Variants in ARHGAP6 observed in about 807,000 individuals in gnomAD.
The protein encoded by ARHGAP6 is Rho GTPase activating protein 6, also known as rho GTPase-activating protein 6.
Under a neutral mutation model 55.7 loss-of-function variants are expected in ARHGAP6, and 16 were observed. The observed-to-expected ratio is 0.29, with a 90% CI of 0.19 to 0.44. The LOEUF is 0.44. Ranked by LOEUF, ARHGAP6 falls within the 20% of genes least tolerant of loss-of-function variation. The pLI, the probability that ARHGAP6 is intolerant of heterozygous loss-of-function variation, is 1.00. For missense variants in ARHGAP6, 698 were observed against 808.9 expected (o/e 0.86, Z 1.66); for synonymous variants, 382 against 360.9 (o/e 1.06, Z -0.66).
intron 1 of ARHGAP6, among the ~76,000 whole-genome samples, chrX:11,624,102 G>T (rs770210862): frequency 4.5e-5 from 5 of 111,851 alleles, no homozygotes; most frequent in Non-Finnish European, 7.5e-5. Flanking sequence ...TTACACAAAG[G>T]TACAAAAACA....
chrX:11,314,658 A>ATATAGCATGG (rs1174560009), intron 1 of ARHGAP6, among the ~76,000 whole-genome samples: 1 of 111,677 alleles, frequency 9.0e-6, no homozygotes, highest in African/African-American at 3.3e-5. Flanking sequence ...ATTCCATGGT[A>ATATAGCATGG]TATATCCTTA....
chrX:11,293,016 G>A (rs2048021605), intron 1 of ARHGAP6, among the ~76,000 whole-genome samples: 3 of 112,295 alleles, frequency 2.7e-5, no homozygotes, highest in African/African-American at 9.7e-5. Flanking sequence ...GAAAGGGCTG[G>A]AAAAATCCTG....
intron 1 of ARHGAP6, among the ~76,000 whole-genome samples, chrX:11,307,379 T>C (rs887413651): frequency 3.6e-5 from 4 of 111,810 alleles, no homozygotes; most frequent in African/African-American, 1.3e-4. Context: ...TTAAAATAGA[T>C]GACAAAGTTC....
intron 10 of ARHGAP6, chrX:11,148,895 C>A (rs1602732102): frequency 8.8e-6 from 2 of 227,038 alleles, no homozygotes; most frequent in East Asian, 2.5e-4. Context: ...TTGTATCATC[C>A]ATCTTGGATT....
At chrX:11,368,901 T>A (rs2049113377) in intron 1 of ARHGAP6, among the ~76,000 whole-genome samples, 1 of 112,195 alleles carries the variant, frequency 8.9e-6, no homozygotes, top group East Asian at 2.8e-4. Flanking sequence ...TGTTTTACAG[T>A]CTAAAAAATC....
In ARHGAP6 at chrX:11,354,327, C is replaced by CTCTATATA. The variant is rs1343744315; in HGVS notation, c.589-99621_589-99620insTATATAGA. Among the ~76,000 whole-genome samples, 177 of 32,342 alleles carry CTCTATATA rather than the reference C, an allele frequency of 5.5e-3. 1 individual carries two copies. Among genetic ancestry groups the CTCTATATA allele is most frequent in the Non-Finnish European group, 7.2e-3 (139 of 19,250 alleles). 28.1% of individuals were successfully genotyped at this position (32,342 alleles called of 115,157 possible). ...TCTCTCTCTCTCTCTCTCTCTCTCT[C>CTCTATATA]TATATATATATATATATATATATAT... On this transcript the variant is annotated intron_variant, in intron 1 of 12. Transcript: ENST00000337414.
At chrX:11,201,690 C>T (rs2046623793) in intron 2 of ARHGAP6, among the ~76,000 whole-genome samples, 1 of 112,093 alleles carries the variant, frequency 8.9e-6, no homozygotes, top group Non-Finnish European at 1.9e-5. Context: ...ACACTACCTT[C>T]TTCACATGGC....
In ARHGAP6 at chrX:11,162,338, C is replaced by T. The variant is rs186824163; in HGVS notation, c.1810-5712G>A. On this transcript the variant is annotated intron_variant, in intron 9 of 12. Transcript: ENST00000337414. ...TACCCAGCTACTGAAACTGTGCCCCCCCCCCCATATTTACTGTGTCACATA... is the reference window on the plus strand; with the variant it reads ...TACCCAGCTACTGAAACTGTGCCCCTCCCCCCATATTTACTGTGTCACATA... Among the ~76,000 whole-genome samples the T allele has an allele frequency of 2.4e-4, 23 of 94,321 alleles. No individual in the cohort carries two copies. The East Asian group carries it at 8.0e-3, about 33-fold the overall frequency. 81.9% of individuals were successfully genotyped at this position (94,321 alleles called of 115,157 possible). A position where few individuals can be genotyped will look rare whatever the true frequency, so the allele number is the denominator to read the frequency against.
At chrX:11,334,824 A>G in intron 1 of ARHGAP6, 1 of 194,592 alleles carries the variant, frequency 5.1e-6, no homozygotes, top group Non-Finnish European at 9.7e-6. Flanking sequence ...TTTCTTTGCC[A>G]CTATTATTAT....
chrX:11,325,883 A>G (rs2048490840), intron 1 of ARHGAP6, among the ~76,000 whole-genome samples: 1 of 111,588 alleles, frequency 9.0e-6, no homozygotes, highest in African/African-American at 3.3e-5. Flanking sequence ...TCTAGCGGCT[A>G]GAAATCAGGC....
intron 1 of ARHGAP6, among the ~76,000 whole-genome samples, chrX:11,461,876 G>A (rs180882138): frequency 2.1e-3 from 231 of 111,686 alleles, no homozygotes; most frequent in Non-Finnish European, 3.7e-3. Context: ...TCAAGAAGAA[G>A]CATATCAGAT....
chrX:11,623,979 T>C (rs779798505), intron 1 of ARHGAP6, among the ~76,000 whole-genome samples: 14 of 111,291 alleles, frequency 1.3e-4, no homozygotes, highest in South Asian at 3.7e-4. Flanking sequence ...CTTCAAAATA[T>C]ATTGCAAAGC....
At chrX:11,177,070 G>A (rs1196302012) in intron 8 of ARHGAP6, among the ~76,000 whole-genome samples, 1 of 111,808 alleles carries the variant, frequency 8.9e-6, no homozygotes, top group East Asian at 2.8e-4. Flanking sequence ...AAGTTTCTGT[G>A]GTTAAGTAAG....
intron 1 of ARHGAP6, among the ~76,000 whole-genome samples, chrX:11,386,410 G>C (rs184890213): frequency 1.8e-5 from 2 of 112,150 alleles, no homozygotes; most frequent in Non-Finnish European, 3.8e-5. Context: ...AGACCACGGA[G>C]TTCAGGGAGA....
chrX:11,182,035 C>T, intron 6 of ARHGAP6, 28 bp downstream of exon 6: 3 of 1,160,930 alleles, frequency 2.6e-6, no homozygotes, highest in Non-Finnish European at 3.5e-6. Flanking sequence ...TCATGTGAAA[C>T]AAAATATAAT....
intron 1 of ARHGAP6, among the ~76,000 whole-genome samples, chrX:11,464,091 T>A (rs886873249): frequency 1.9e-5 from 2 of 107,423 alleles, no homozygotes; most frequent in African/African-American, 6.8e-5. Context: ...TAGATGCGGC[T>A]AAACCTCATC....
At chrX:11,539,983 C>T (rs190425044) in intron 1 of ARHGAP6, among the ~76,000 whole-genome samples, 40 of 111,100 alleles carry the variant, frequency 3.6e-4, no homozygotes, top group African/African-American at 1.3e-3. Context: ...AGGCTGGGTA[C>T]GGTGGCTCAT....
intron 9 of ARHGAP6, among the ~76,000 whole-genome samples, chrX:11,163,993 A>G (rs2045984044): frequency 8.9e-6 from 1 of 112,742 alleles, no homozygotes; most frequent in Admixed American, 9.3e-5. Context: ...AACAGTACAC[A>G]TGTTCTGTCT....
chrX:11,358,817 T>C (rs1418195837), intron 1 of ARHGAP6, among the ~76,000 whole-genome samples: 1 of 111,917 alleles, frequency 8.9e-6, no homozygotes, highest in Admixed American at 9.5e-5. Context: ...CAGGTAGCTA[T>C]GAGTGGTCTC....
Sources: gnomAD v4.1 joint callset for allele counts (sites outside exome capture counted in the v4.1 genomes callset) on GRCh38, gnomAD v4.1.1 for gene constraint, MANE v1.5 for transcripts, NCBI Gene and HGNC (gene_info 2026-07-23, HGNC 2026-07-21) for gene names.